RBFOX1: variants seen among roughly 807,000 people sequenced by gnomAD.
The protein encoded by RBFOX1 is RNA binding fox-1 homolog 1.
Under a neutral mutation model 57.7 loss-of-function variants are expected in RBFOX1, and 8 were observed. That is an observed-to-expected ratio of 0.14 (90% CI 0.08 to 0.25). The LOEUF is 0.25. Ranked by LOEUF, RBFOX1 falls within the 10% of genes least tolerant of loss-of-function variation. RBFOX1 has a pLI of 1.00. For synonymous variants in RBFOX1, 326 were observed against 222.4 expected (o/e 1.47, Z -4.15); for missense variants, 611 against 548.5 (o/e 1.11, Z -1.14).
At chr16:6,938,753 G>A (rs1333009708) in intron 3 of RBFOX1, among the ~76,000 whole-genome samples, 1 of 152,106 alleles carries the variant, frequency 6.6e-6, no homozygotes, top group Non-Finnish European at 1.5e-5. Context: ...CTGTCAGGGT[G>A]AAACCCTGTC....
intron 3 of RBFOX1, among the ~76,000 whole-genome samples, chr16:6,725,704 C>G (rs932130444): frequency 3.3e-5 from 5 of 152,162 alleles, no homozygotes; most frequent in Non-Finnish European, 7.4e-5. Flanking sequence ...ATTAGTTCTT[C>G]TAAAACTCTA....
intron 4 of RBFOX1, among the ~76,000 whole-genome samples, chr16:7,494,417 C>T (rs765435633): frequency 1.5e-4 from 23 of 152,278 alleles, no homozygotes; most frequent in East Asian, 5.8e-4. Flanking sequence ...TCCTTCTCTG[C>T]TCCCTCAACA....
intron 2 of RBFOX1, among the ~76,000 whole-genome samples, chr16:6,551,680 A>G (rs1395812629): frequency 6.6e-6 from 1 of 152,216 alleles, no homozygotes; most frequent in East Asian, 1.9e-4. Flanking sequence ...ATAGCTACAG[A>G]TAAGACTATT....
chr16:5,454,493 G>T lies in RBFOX1; in HGVS notation c.220-12723G>T, dbSNP rs77073086. ...GGCATTAATATTGAAATTGGTAGGTGGTGAGTAAAGTAAATTGCCCTCTAC... is the reference window on the plus strand; with the variant it reads ...GGCATTAATATTGAAATTGGTAGGTTGTGAGTAAAGTAAATTGCCCTCTAC... On this transcript the variant is annotated intron_variant, in intron 1 of 2. Coordinates refer to the RBFOX1 transcript ENST00000585867. Among the ~76,000 whole-genome samples, 197 of 152,298 alleles carry T rather than the reference G, an allele frequency of 1.3e-3. 5 individuals carry two copies. In the East Asian group the frequency reaches 0.034, roughly 27 times the overall value.
chr16:5,802,421 C>G (rs2055088327), intron 3 of RBFOX1, among the ~76,000 whole-genome samples: 1 of 152,022 alleles, frequency 6.6e-6, no homozygotes, highest in Non-Finnish European at 1.5e-5. Context: ...GGGATAGCTG[C>G]TGAGGTCCCT....
intron 13 of RBFOX1, chr16:7,671,447 G>T (rs1597734333): frequency 9.6e-7 from 1 of 1,042,162 alleles, no homozygotes; most frequent in South Asian, 1.4e-5. Flanking sequence ...GGTGAAGTAA[G>T]AGAGAAGCAA....
At chr16:5,627,932 G>A (rs1215494192) in intron 3 of RBFOX1, among the ~76,000 whole-genome samples, 3 of 152,186 alleles carry the variant, frequency 2.0e-5, no homozygotes, top group Non-Finnish European at 4.4e-5. Context: ...AGAAATGATT[G>A]TGCCTAATTA....
At chr16:7,220,006 T>A (rs1165158426) in intron 4 of RBFOX1, among the ~76,000 whole-genome samples, 1 of 152,188 alleles carries the variant, frequency 6.6e-6, no homozygotes, top group Non-Finnish European at 1.5e-5. Flanking sequence ...ATGTGGTGTA[T>A]CTTGTTCGAT....
intron 2 of RBFOX1, among the ~76,000 whole-genome samples, chr16:6,347,073 G>A (rs2085499000): frequency 6.6e-6 from 1 of 152,154 alleles, no homozygotes; most frequent in African/African-American, 2.4e-5. Context: ...GGGCTGAGGA[G>A]TTCAAAGAAT....
At chr16:7,516,124 C>T (rs573990424) in intron 4 of RBFOX1, among the ~76,000 whole-genome samples, 54 of 152,228 alleles carry the variant, frequency 3.5e-4, no homozygotes, top group African/African-American at 9.6e-4. Flanking sequence ...GAATTACAGG[C>T]ATGAGGCAAC....
chr16:6,753,303 T>C (rs186978925), intron 3 of RBFOX1, among the ~76,000 whole-genome samples: 1 of 152,342 alleles, frequency 6.6e-6, no homozygotes, highest in Admixed American at 6.5e-5. Flanking sequence ...TGTAAAATTC[T>C]TTCAGCTTTG....
At chr16:6,692,623 C>T (rs1400829950) in intron 3 of RBFOX1, among the ~76,000 whole-genome samples, 1 of 110,678 alleles carries the variant, frequency 9.0e-6, no homozygotes, top group African/African-American at 3.0e-5. Flanking sequence ...ATGCACTTTT[C>T]CATCCAAACA....
At chr16:6,173,899 G>T (rs569861212) in intron 1 of RBFOX1, among the ~76,000 whole-genome samples, 29 of 151,568 alleles carry the variant, frequency 1.9e-4, no homozygotes, top group African/African-American at 2.9e-4. Context: ...TTGTTTGTTT[G>T]TTTTTTTTAC....
At chr16:7,032,447 A>G (rs1007473645) in intron 3 of RBFOX1, among the ~76,000 whole-genome samples, 3 of 152,130 alleles carry the variant, frequency 2.0e-5, no homozygotes, top group African/African-American at 7.2e-5. Flanking sequence ...ATCTCAAAAA[A>G]CAAACAAATA....
At chr16:7,538,868 C>A (rs1385732907) in intron 5 of RBFOX1, among the ~76,000 whole-genome samples, 10 of 150,380 alleles carry the variant, frequency 6.6e-5, no homozygotes, top group African/African-American at 2.0e-4. Context: ...CCCACCCCGC[C>A]ACTCAATCTC....
chr16:5,477,707 T>C (rs2069379995), intron 2 of RBFOX1, among the ~76,000 whole-genome samples: 1 of 152,174 alleles, frequency 6.6e-6, no homozygotes, highest in Non-Finnish European at 1.5e-5. Context: ...CTCTCTTCTC[T>C]CCTGATGGGC....
At chr16:5,326,367 T>C (rs1039666449) in intron 1 of RBFOX1, among the ~76,000 whole-genome samples, 5 of 152,174 alleles carry the variant, frequency 3.3e-5, no homozygotes, top group African/African-American at 9.7e-5. Flanking sequence ...CACCAAAAAA[T>C]AATAAAATAC....
intron 3 of RBFOX1, among the ~76,000 whole-genome samples, chr16:6,770,429 C>T (rs1424123898): frequency 6.6e-6 from 1 of 152,168 alleles, no homozygotes; most frequent in Non-Finnish European, 1.5e-5. Context: ...ATTATGTATA[C>T]CCAGCTGCAC....
chr16:7,030,932 G>C (rs1221923403), intron 3 of RBFOX1, among the ~76,000 whole-genome samples: 1 of 152,174 alleles, frequency 6.6e-6, no homozygotes, highest in East Asian at 1.9e-4. Flanking sequence ...AGGGAATGTG[G>C]GTATTTATCT....
Sources: allele counts gnomAD v4.1 joint callset (sites outside exome capture counted in the v4.1 genomes callset), GRCh38; gene constraint gnomAD v4.1.1; transcripts MANE v1.5; gene names NCBI Gene and HGNC (gene_info 2026-07-23, HGNC 2026-07-21).